Variants in STAG1 observed in about 807,000 individuals in gnomAD.
STAG1 encodes cohesin subunit SA-1.
In STAG1, 26 loss-of-function variants were observed where a neutral mutation model predicts 170.9. The observed-to-expected ratio is 0.15, with a 90% CI of 0.11 to 0.21. STAG1 has a LOEUF of 0.21. STAG1 is among the 10% of genes least tolerant of loss of function. The probability of loss-of-function intolerance (pLI) is 1.00; values close to 1 mark genes in which losing one functional copy is unlikely to be tolerated. For synonymous variants in STAG1, 514 were observed against 497.7 expected, an observed-to-expected ratio of 1.03 and a Z score of -0.44; for missense variants, 964 against 1,509.5, an observed-to-expected ratio of 0.64 and a Z score of 5.99.
chr3:136,521,493 TAC>T lies in STAG1; in HGVS notation c.472-78_472-77del, dbSNP rs1934668209. 6.9e-6 allele frequency: 9 copies of T among 1,308,320 alleles called. No individual in the cohort carries two copies. The Middle Eastern group carries it at 6.8e-4, about 99-fold the overall frequency. 81.0% of individuals were successfully genotyped at this position (1,308,320 alleles called of 1,614,324 possible). A position where few individuals can be genotyped will look rare whatever the true frequency, so the allele number is the denominator to read the frequency against. On this transcript the variant is annotated intron_variant, in intron 6 of 33. Transcript: ENST00000383202. ...TGAAAGCTTTTTTTTTCTTCCTACC[TAC>T]ATAGGAACCCTTTTTTGCAAAGCAG...
intron 1 of STAG1, among the ~76,000 whole-genome samples, chr3:136,688,544 A>C (rs1942615661): frequency 6.6e-6 from 1 of 152,108 alleles, no homozygotes; most frequent in African/African-American, 2.4e-5. Flanking sequence ...GGCGCATGTC[A>C]CCGCGCCCAG....
chr3:136,666,489 G>A (rs1376146775), intron 1 of STAG1, among the ~76,000 whole-genome samples: 1 of 152,184 alleles, frequency 6.6e-6, no homozygotes, highest in Non-Finnish European at 1.5e-5. Context: ...TAAGCACAGA[G>A]AGTAAGTAAC....
chr3:136,338,168 G>GTGTT lies in STAG1; in HGVS notation c.*82_*85dup. 1.1e-6 allele frequency: 1 copy of GTGTT among 872,572 alleles called. No individual in the cohort carries two copies. Among genetic ancestry groups the GTGTT allele is most frequent in the Admixed American group, 2.2e-5 (1 of 45,684 alleles). The allele number at this position is 872,572 out of a possible 1,614,324, so 54.1% of individuals were successfully genotyped here. On this transcript the variant is annotated 3_prime_UTR_variant, in exon 34 of 34. Transcript: ENST00000383202. ...AAAAACAAATCAGATCACATCAAAA[G>GTGTT]TGTTTTTCCCCATACAAGCTATCAC...
At chr3:136,678,338 T>C (rs1455618727) in intron 1 of STAG1, among the ~76,000 whole-genome samples, 1 of 151,352 alleles carries the variant, frequency 6.6e-6, no homozygotes, top group African/African-American at 2.4e-5. Flanking sequence ...CATCAATATA[T>C]AAATAAAATA....
At chr3:136,611,253 G>A (rs909306979) in intron 3 of STAG1, among the ~76,000 whole-genome samples, 21 of 151,532 alleles carry the variant, frequency 1.4e-4, no homozygotes, top group African/African-American at 4.9e-4. Flanking sequence ...GGGTTCGAGC[G>A]ATTCTCCTGC....
intron 6 of STAG1, among the ~76,000 whole-genome samples, chr3:136,528,758 G>A (rs111584724): frequency 9.9e-5 from 15 of 151,696 alleles, no homozygotes; most frequent in East Asian, 3.9e-4. Flanking sequence ...GCAAAACCCC[G>A]TCTCTACCAA....
rs142074826 is a variant in STAG1 at position 136,369,648 on chromosome 3, T to TA, written c.2371-367dup. 8.1e-3 allele frequency among the ~76,000 whole-genome samples: 1,237 copies of TA among 152,274 alleles called. 22 individuals carry two copies. Among genetic ancestry groups the TA allele is most frequent in the African/African-American group, 0.027 (1,136 of 41,558 alleles). ...CCCAACTTTGCAAATACAAAATTGATAGATTATAACAAAGATTAGAAATCA... is the reference window on the plus strand; with the variant it reads ...CCCAACTTTGCAAATACAAAATTGATAAGATTATAACAAAGATTAGAAATCA... On this transcript the variant is annotated intron_variant, in intron 23 of 33. Transcript: ENST00000383202.
intron 22 of STAG1, among the ~76,000 whole-genome samples, chr3:136,382,412 T>C (rs1480770045): frequency 6.6e-6 from 1 of 151,630 alleles, no homozygotes; most frequent in Non-Finnish European, 1.5e-5. Context: ...TTTTTTTTTT[T>C]TTTTTTTGAG....
At chr3:136,348,606 G>C (rs1037543724) in intron 29 of STAG1, among the ~76,000 whole-genome samples, 2 of 151,840 alleles carry the variant, frequency 1.3e-5, no homozygotes, top group African/African-American at 4.8e-5. Context: ...GTCTTGCTAT[G>C]TTTCCCAGGC....
chr3:136,577,920 G>A (rs771631140), intron 4 of STAG1, among the ~76,000 whole-genome samples: 3 of 152,158 alleles, frequency 2.0e-5, no homozygotes, highest in Admixed American at 1.3e-4. Flanking sequence ...CAGTTTATCT[G>A]GTTGGTGCAC....
rs1393904205 is a variant in STAG1 at position 136,336,356 on chromosome 3, G to C, written c.*1898C>G. 1 of 152,192 alleles carries C rather than the reference G, an allele frequency of 6.6e-6. No homozygotes were observed. Among genetic ancestry groups the C allele is most frequent in the Non-Finnish European group, 1.5e-5 (1 of 68,034 alleles). The allele number at this position is 152,192 out of a possible 1,614,324, so 9.4% of individuals were successfully genotyped here. ...AATTACTAGCAAAACCAATCAAGGAGACACCGAAAATACAAAAATTTGATT... is the reference window on the plus strand; with the variant it reads ...AATTACTAGCAAAACCAATCAAGGACACACCGAAAATACAAAAATTTGATT... On this transcript the variant is annotated 3_prime_UTR_variant, in exon 34 of 34. Transcript: ENST00000383202.
chr3:136,560,966 C>A (rs1401318490), intron 5 of STAG1, among the ~76,000 whole-genome samples: 1 of 151,896 alleles, frequency 6.6e-6, no homozygotes, highest in Non-Finnish European at 1.5e-5. Flanking sequence ...TCCTGCCTTT[C>A]CTTGCTCTCT....
intron 6 of STAG1, among the ~76,000 whole-genome samples, chr3:136,522,519 A>T (rs1934731986): frequency 7.3e-6 from 1 of 137,402 alleles, no homozygotes; most frequent in South Asian, 2.6e-4. Context: ...CCACTATAGT[A>T]GAGTTCCTCT....
In STAG1 at chr3:136,551,208, TGAGAGAGAGAGAGA is replaced by T. The variant is rs57609965; in HGVS notation, c.395-9027_395-9014del. Among the ~76,000 whole-genome samples the T allele has an allele frequency of 4.5e-3, 198 of 44,480 alleles. 2 individuals are homozygous for T. Among genetic ancestry groups the T allele is most frequent in the Middle Eastern group, 0.014 (1 of 70 alleles). 29.2% of individuals were successfully genotyped at this position (44,480 alleles called of 152,430 possible). ...GAGAGAGAGAGAGGTTGAGAGAGAG[TGAGAGAGAGAGAGA>T]GAGAGAGAGAGAGAGAGAGAGAGAG... On this transcript the variant is annotated intron_variant, in intron 5 of 33. Coordinates refer to ENST00000383202, the MANE Select transcript of STAG1 (RefSeq NM_005862.3).
At chr3:136,740,013 A>G (rs1403698787) in intron 1 of STAG1, among the ~76,000 whole-genome samples, 2 of 152,180 alleles carry the variant, frequency 1.3e-5, no homozygotes, top group Non-Finnish European at 2.9e-5. Flanking sequence ...CAGATTCCAC[A>G]TCTTACTCTG....
intron 1 of STAG1, among the ~76,000 whole-genome samples, chr3:136,719,299 A>G (rs1933064934): frequency 6.6e-6 from 1 of 152,168 alleles, no homozygotes. Context: ...GAAATGTCCC[A>G]AAAAAGCATA....
chr3:136,471,551 C>A (rs564110129), intron 12 of STAG1, among the ~76,000 whole-genome samples: 7 of 152,224 alleles, frequency 4.6e-5, no homozygotes, highest in African/African-American at 1.4e-4. Flanking sequence ...AACAGTAGAT[C>A]CCTGCATACA....
intron 15 of STAG1, 107 bp downstream of exon 15, chr3:136,443,178 GAC>G: frequency 1.6e-6 from 1 of 632,106 alleles, no homozygotes; most frequent in Non-Finnish European, 2.6e-6. Context: ...TTGGCAAAAA[GAC>G]ACAACATGCT....
At chr3:136,635,653 G>C (rs1422374861) in intron 1 of STAG1, among the ~76,000 whole-genome samples, 2 of 152,120 alleles carry the variant, frequency 1.3e-5, no homozygotes, top group Non-Finnish European at 2.9e-5. Flanking sequence ...AAGGTACATA[G>C]CTTGGGAAAG....
Sources: allele counts gnomAD v4.1 joint callset (sites outside exome capture counted in the v4.1 genomes callset), GRCh38; gene constraint gnomAD v4.1.1; transcripts MANE v1.5; gene names NCBI Gene and HGNC (gene_info 2026-07-23, HGNC 2026-07-21).